Variants in TRIO observed in about 807,000 individuals in gnomAD.
TRIO encodes the protein trio Rho guanine nucleotide exchange factor.
TRIO carries 58 observed loss-of-function variants against 351.9 expected under a neutral mutation model. The ratio of observed to expected loss-of-function variants is 0.16; its 90% CI spans 0.13 to 0.21. TRIO has a LOEUF of 0.21. Among genes scored for constraint, TRIO ranks in the 10% least tolerant of loss-of-function variants. The probability of loss-of-function intolerance (pLI) is 1.00; values close to 1 mark genes in which losing one functional copy is unlikely to be tolerated. For synonymous variants in TRIO, 1,758 were observed against 1,595.7 expected, an observed-to-expected ratio of 1.10 and a Z score of -2.42; for missense variants, 3,201 against 4,027.8, an observed-to-expected ratio of 0.79 and a Z score of 5.56.
intron 1 of TRIO, among the ~76,000 whole-genome samples, chr5:14,150,937 T>G (rs931096081): frequency 1.3e-5 from 2 of 152,182 alleles, no homozygotes; most frequent in African/African-American, 4.8e-5. Context: ...GGTGTATAAG[T>G]CAAATCTGAC....
At chr5:14,220,530 C>G (rs1792551228) in intron 1 of TRIO, among the ~76,000 whole-genome samples, 1 of 152,342 alleles carries the variant, frequency 6.6e-6, no homozygotes, top group African/African-American at 2.4e-5. Context: ...AAAGCTGAGA[C>G]AGGCCAAAAG....
At chr5:14,156,380 T>G (rs1392068498) in intron 1 of TRIO, among the ~76,000 whole-genome samples, 1 of 152,224 alleles carries the variant, frequency 6.6e-6, no homozygotes, top group Non-Finnish European at 1.5e-5. Context: ...TCCTTGCTTT[T>G]AGGGCCTCTC....
chr5:14,173,508 G>A (rs1253519012), intron 1 of TRIO, among the ~76,000 whole-genome samples: 1 of 152,058 alleles, frequency 6.6e-6, no homozygotes, highest in African/African-American at 2.4e-5. Context: ...CACCGCGCCT[G>A]GCCTGGTAAT....
At chr5:14,347,864 C>A (rs914951092) in intron 11 of TRIO, among the ~76,000 whole-genome samples, 1 of 152,160 alleles carries the variant, frequency 6.6e-6, no homozygotes, top group Non-Finnish European at 1.5e-5. Flanking sequence ...GAATTCAGAT[C>A]CCAACAGATC....
At chr5:14,164,540 G>GGC (rs1788651431) in intron 1 of TRIO, among the ~76,000 whole-genome samples, 2 of 152,098 alleles carry the variant, frequency 1.3e-5, no homozygotes, top group African/African-American at 4.8e-5. Context: ...TTTCATTGAG[G>GGC]GCACAAAGGC....
chr5:14,490,326 A>C (rs1221513402), intron 48 of TRIO, among the ~76,000 whole-genome samples: 1 of 152,178 alleles, frequency 6.6e-6, no homozygotes, highest in Admixed American at 6.5e-5. Context: ...AGATCTGCAA[A>C]GGCCTCCTTC....
At chr5:14,456,473 A>G (rs1245258045) in intron 34 of TRIO, among the ~76,000 whole-genome samples, 2 of 152,262 alleles carry the variant, frequency 1.3e-5, no homozygotes, top group Non-Finnish European at 2.9e-5. Context: ...GCTCGCCTTC[A>G]GAGGGCTGCT....
chr5:14,255,321 C>T (rs550992323), intron 1 of TRIO, among the ~76,000 whole-genome samples: 27 of 152,230 alleles, frequency 1.8e-4, no homozygotes, highest in Middle Eastern at 3.4e-3. Context: ...CTTGGGTTCT[C>T]GGGTAGTGGA....
intron 34 of TRIO, among the ~76,000 whole-genome samples, chr5:14,425,309 G>C (rs757657813): frequency 6.6e-6 from 1 of 152,204 alleles, no homozygotes; most frequent in African/African-American, 2.4e-5. Flanking sequence ...CATGTGAGTA[G>C]AAAGTCATGT....
intron 34 of TRIO, chr5:14,420,347 C>G (rs1440982304): frequency 3.5e-6 from 1 of 283,284 alleles, no homozygotes; most frequent in African/African-American, 2.2e-5. Flanking sequence ...TTCTGTGTGT[C>G]ATGATACCTC....
At chr5:14,180,340 A>G (rs1789696797) in intron 1 of TRIO, among the ~76,000 whole-genome samples, 1 of 152,190 alleles carries the variant, frequency 6.6e-6, no homozygotes, top group African/African-American at 2.4e-5. Flanking sequence ...GGGACAAAAG[A>G]AGATAACTGA....
At chr5:14,398,547 A>G (rs534028895) in intron 29 of TRIO, among the ~76,000 whole-genome samples, 15 of 152,138 alleles carry the variant, frequency 9.9e-5, no homozygotes, top group Non-Finnish European at 1.9e-4. Flanking sequence ...CGGTGGTGGG[A>G]TGCTGCAGGA....
At position 14,390,214 on chromosome 5, in the gene TRIO, A is replaced by T; in HGVS notation, c.4059-17A>T. 1 of 1,611,178 alleles carries T rather than the reference A, an allele frequency of 6.2e-7. No individual in the cohort carries two copies. Among genetic ancestry groups the T allele is most frequent in the Non-Finnish European group, 8.5e-7 (1 of 1,178,848 alleles). On this transcript the variant is annotated splice_polypyrimidine_tract_variant and intron_variant, in intron 25 of 56. Coordinates refer to ENST00000344204, the MANE Select transcript of TRIO (RefSeq NM_007118.4). The stretch of plus-strand genomic sequence containing the variant: ...TAAAACACCTTTGTAATATGATACC[A>T]TTTTTATTCTTTGCAGCATATTCCT...
At chr5:14,473,169 G>A (rs1024510275) in intron 39 of TRIO, among the ~76,000 whole-genome samples, 1 of 152,198 alleles carries the variant, frequency 6.6e-6, no homozygotes, top group Non-Finnish European at 1.5e-5. Context: ...AAGTTGCCAA[G>A]CACTGTAGCC....
intron 31 of TRIO, among the ~76,000 whole-genome samples, chr5:14,402,612 G>T (rs1162396946): frequency 6.6e-6 from 1 of 151,858 alleles, no homozygotes; most frequent in Non-Finnish European, 1.5e-5. Flanking sequence ...GATGGTGGTG[G>T]TATGGATTTT....
chr5:14,167,452 G>C (rs2152123305), intron 1 of TRIO, among the ~76,000 whole-genome samples: 1 of 152,142 alleles, frequency 6.6e-6, no homozygotes, highest in South Asian at 2.1e-4. Flanking sequence ...TCAATATGAG[G>C]CCAACCCAGT....
At chr5:14,477,533 A>G (rs561395665) in intron 41 of TRIO, among the ~76,000 whole-genome samples, 2 of 152,238 alleles carry the variant, frequency 1.3e-5, no homozygotes, top group African/African-American at 4.8e-5. Context: ...CTTCACACAC[A>G]TATAGTTAGA....
intron 41 of TRIO, 78 bp from the exon 42 acceptor site, chr5:14,479,183 T>C: frequency 8.1e-7 from 1 of 1,229,682 alleles, no homozygotes; most frequent in Non-Finnish European, 1.2e-6. Flanking sequence ...ATGAATGTGC[T>C]GAAATGTGCG....
At chr5:14,309,698 A>C (rs932342344) in intron 8 of TRIO, among the ~76,000 whole-genome samples, 2 of 152,178 alleles carry the variant, frequency 1.3e-5, no homozygotes, top group African/African-American at 4.8e-5. Context: ...TCTGCTGAGG[A>C]GGTGTCCATC....
Sources: allele counts gnomAD v4.1 joint callset (sites outside exome capture counted in the v4.1 genomes callset), GRCh38; gene constraint gnomAD v4.1.1; transcripts MANE v1.5; gene names NCBI Gene and HGNC (gene_info 2026-07-23, HGNC 2026-07-21).